Variants in PLXDC2 observed in about 807,000 individuals in gnomAD.
The protein encoded by PLXDC2 is plexin domain-containing protein 2.
PLXDC2 carries 40 observed loss-of-function variants against 68.9 expected under a neutral mutation model. The ratio of observed to expected loss-of-function variants is 0.58; its 90% CI spans 0.45 to 0.76. The LOEUF (loss-of-function observed/expected upper bound fraction) is 0.76. Ranked by LOEUF, PLXDC2 falls within the 30% of genes least tolerant of loss-of-function variation. PLXDC2 has a pLI of 0.00. For synonymous variants in PLXDC2, 243 were observed against 234.2 expected (o/e 1.04, Z -0.34); for missense variants, 644 against 661.9 (o/e 0.97, Z 0.30).
At chr10:20,002,947 T>C (rs1834967870) in intron 2 of PLXDC2, among the ~76,000 whole-genome samples, 1 of 152,184 alleles carries the variant, frequency 6.6e-6, no homozygotes, top group Non-Finnish European at 1.5e-5. Flanking sequence ...GGAACAGTTC[T>C]GGACAAACTG....
intron 4 of PLXDC2, among the ~76,000 whole-genome samples, chr10:20,100,758 T>C (rs553951015): frequency 1.4e-4 from 22 of 152,296 alleles, no homozygotes; most frequent in Non-Finnish European, 2.1e-4. Context: ...CTTTTGATTC[T>C]CTGTTCAATC....
At chr10:20,193,345 T>G (rs1834794176) in intron 9 of PLXDC2, among the ~76,000 whole-genome samples, 1 of 152,034 alleles carries the variant, frequency 6.6e-6, no homozygotes, top group Non-Finnish European at 1.5e-5. Flanking sequence ...AACAATCTAG[T>G]TTGAAAAAAA....
At chr10:20,214,223 A>G (rs1184464608) in intron 10 of PLXDC2, among the ~76,000 whole-genome samples, 1 of 152,116 alleles carries the variant, frequency 6.6e-6, no homozygotes, top group Non-Finnish European at 1.5e-5. Flanking sequence ...CCCATTATCT[A>G]AAATTTTGGT....
chr10:20,054,766 A>G (rs1835965955), intron 3 of PLXDC2, among the ~76,000 whole-genome samples: 1 of 152,026 alleles, frequency 6.6e-6, no homozygotes, highest in Non-Finnish European at 1.5e-5. Context: ...TGACGAGTTG[A>G]TGGGTGCAGC....
intron 4 of PLXDC2, among the ~76,000 whole-genome samples, chr10:20,115,131 G>A (rs1833605633): frequency 6.6e-6 from 1 of 152,138 alleles, no homozygotes; most frequent in African/African-American, 2.4e-5. Context: ...TAGTCGTGTT[G>A]CCATAAACCA....
intron 3 of PLXDC2, among the ~76,000 whole-genome samples, chr10:20,064,801 C>A (rs996154313): frequency 6.6e-6 from 1 of 152,136 alleles, no homozygotes; most frequent in Non-Finnish European, 1.5e-5. Flanking sequence ...TCACAAAGTC[C>A]TTCCTGTAGG....
chr10:19,853,064 TC>T (rs1837150892), intron 1 of PLXDC2, among the ~76,000 whole-genome samples: 1 of 152,232 alleles, frequency 6.6e-6, no homozygotes, highest in African/African-American at 2.4e-5. Context: ...TGAGATTCAT[TC>T]TTTCAGTTGC....
At chr10:20,047,717 A>G (rs944521169) in intron 3 of PLXDC2, among the ~76,000 whole-genome samples, 4 of 152,134 alleles carry the variant, frequency 2.6e-5, no homozygotes, top group Non-Finnish European at 5.9e-5. Flanking sequence ...GCTCAAATGC[A>G]TTAGCTTTTC....
At chr10:19,897,966 A>C (rs965900358) in intron 1 of PLXDC2, among the ~76,000 whole-genome samples, 4 of 152,178 alleles carry the variant, frequency 2.6e-5, no homozygotes, top group East Asian at 3.8e-4. Context: ...AATCAATGAA[A>C]CTGAAAAAAA....
At chr10:20,241,465 T>G (rs1294821895) in intron 12 of PLXDC2, among the ~76,000 whole-genome samples, 1 of 152,126 alleles carries the variant, frequency 6.6e-6, no homozygotes, top group Non-Finnish European at 1.5e-5. Flanking sequence ...ACCTTAATCT[T>G]CCCTCTCCAT....
intron 4 of PLXDC2, among the ~76,000 whole-genome samples, chr10:20,085,822 T>A (rs926370071): frequency 6.6e-6 from 1 of 152,208 alleles, no homozygotes; most frequent in Non-Finnish European, 1.5e-5. Context: ...ACTGCCTTTA[T>A]ATAACATCTG....
rs555835478 is a variant in PLXDC2 at position 19,889,725 on chromosome 10, C to T, written c.112+72534C>T. ...TGTGTTTCTTGGCCTTAATTTTAGA[C>T]ATCCACAGGCAGGAAAAACATAGAT... On this transcript the variant is annotated intron_variant, in intron 1 of 13. Transcript: ENST00000377252. Among the ~76,000 whole-genome samples the T allele has an allele frequency of 8.5e-5, 13 of 152,268 alleles. No individual in the cohort carries two copies. The South Asian group carries it at 2.1e-3, about 24-fold the overall frequency.
chr10:20,161,805 G>T (rs1305267107), intron 6 of PLXDC2, among the ~76,000 whole-genome samples: 1 of 152,196 alleles, frequency 6.6e-6, no homozygotes, highest in South Asian at 2.1e-4. Context: ...GCCGAGGTGG[G>T]CGGATCACCT....
chr10:20,136,649 T>G lies in PLXDC2; in HGVS notation c.542-6646T>G, dbSNP rs149238109. Among the ~76,000 whole-genome samples, 1,282 of 152,342 alleles carry G rather than the reference T, an allele frequency of 8.4e-3. 15 individuals carry two copies. The highest frequency in any genetic ancestry group is 7.4e-3 in the Admixed American group (113 of 15,304). On this transcript the variant is annotated intron_variant, in intron 4 of 13. Coordinates refer to ENST00000377252, the MANE Select transcript of PLXDC2 (RefSeq NM_032812.9). ...ATCATAAATTTCAGATCTATTTGAT[T>G]AATATGTAGAGATAACAGTACATAA... is the stretch of plus-strand genomic sequence containing the variant.
At chr10:20,228,036 G>A (rs569619134) in intron 12 of PLXDC2, among the ~76,000 whole-genome samples, 7 of 152,274 alleles carry the variant, frequency 4.6e-5, no homozygotes, top group African/African-American at 1.7e-4. Flanking sequence ...TATCTGGGTG[G>A]ACAGTGGTGC....
chr10:19,891,000 C>T (rs891154276), intron 1 of PLXDC2, among the ~76,000 whole-genome samples: 2 of 152,036 alleles, frequency 1.3e-5, no homozygotes, highest in Admixed American at 6.6e-5. Flanking sequence ...TCTGACTTTC[C>T]CATGTAGGGT....
chr10:20,257,395 T>A (rs916036661), intron 13 of PLXDC2, among the ~76,000 whole-genome samples: 3 of 151,980 alleles, frequency 2.0e-5, no homozygotes, highest in Admixed American at 2.0e-4. Context: ...TGTGTGTGCA[T>A]ACTTACAGTT....
At chr10:20,267,709 A>T (rs1026849915) in intron 13 of PLXDC2, among the ~76,000 whole-genome samples, 2 of 152,168 alleles carry the variant, frequency 1.3e-5, no homozygotes, top group African/African-American at 4.8e-5. Context: ...AAATGACCTA[A>T]ATAATTCACA....
At chr10:20,221,735 A>G (rs754230943) in intron 12 of PLXDC2, among the ~76,000 whole-genome samples, 16 of 152,168 alleles carry the variant, frequency 1.1e-4, no homozygotes, top group Non-Finnish European at 2.2e-4. Flanking sequence ...TTGTCCTTTC[A>G]CTCCAATTTA....
Sources: allele counts gnomAD v4.1 joint callset (sites outside exome capture counted in the v4.1 genomes callset), GRCh38; gene constraint gnomAD v4.1.1; transcripts MANE v1.5; gene names NCBI Gene and HGNC (gene_info 2026-07-23, HGNC 2026-07-21).